The following METTL16 variants were observed in gnomAD, a reference collection of about 807,000 sequenced individuals.
METTL16 encodes the protein methyltransferase 16, RNA N6-adenosine.
In METTL16, 19 loss-of-function variants were observed where a neutral mutation model predicts 57.9. The observed-to-expected ratio is 0.33, with a 90% CI of 0.23 to 0.48. The LOEUF (loss-of-function observed/expected upper bound fraction) is 0.48. Among genes scored for constraint, METTL16 ranks in the 20% least tolerant of loss-of-function variants. METTL16 has a pLI of 0.99. For missense variants in METTL16, 434 were observed against 691.5 expected (o/e 0.63, Z 4.18); for synonymous variants, 246 against 255.6 (o/e 0.96, Z 0.36).
chr17:2,484,509 T>C (rs1267540004), intron 2 of METTL16, among the ~76,000 whole-genome samples: 4 of 152,116 alleles, frequency 2.6e-5, no homozygotes, highest in African/African-American at 9.7e-5. Context: ...TTTTTTTTTT[T>C]TTGAGACGAA....
chr17:2,461,565 T>G (rs900456756), intron 6 of METTL16, among the ~76,000 whole-genome samples: 2 of 151,104 alleles, frequency 1.3e-5, no homozygotes, highest in African/African-American at 2.4e-5. Context: ...TTTCTGAGGA[T>G]GTTCTCCTGT....
At chr17:2,465,560 A>AG (rs1355458367) in intron 5 of METTL16, among the ~76,000 whole-genome samples, 1 of 142,444 alleles carries the variant, frequency 7.0e-6, no homozygotes, top group East Asian at 2.1e-4. Context: ...AAAAAAAAAA[A>AG]AAAAAAAAAA....
rs1268690220 is a variant in METTL16 at position 2,438,109 on chromosome 17, T to C, written c.888A>G (p.Pro296=). The change falls in exon 8 of 10, where the codon CCA becomes CCG. Residue 296 remains proline, a splice_region_variant and synonymous_variant. Transcript: ENST00000263092. ...GAAGCGGAGCAAGGTCTGTACTTACTGGTACTGTGACATCATCATAAAAAC... is the reference window on the plus strand; with the variant it reads ...GAAGCGGAGCAAGGTCTGTACTTACCGGTACTGTGACATCATCATAAAAAC... ...AWSFYDDVTV[P]SPPSKRRKLE... The C allele has an allele frequency of 1.2e-6, 2 of 1,610,340 alleles. No individual in the cohort carries two copies. Among genetic ancestry groups the C allele is most frequent in the African/African-American group, 1.3e-5 (1 of 74,944 alleles).
chr17:2,454,406 C>T (rs189949038), intron 6 of METTL16, among the ~76,000 whole-genome samples: 14 of 152,102 alleles, frequency 9.2e-5, no homozygotes, highest in Admixed American at 8.5e-4. Flanking sequence ...AGATATTCAA[C>T]GGAGCAGCCC....
In METTL16 at chr17:2,477,673, T is replaced by C. The variant is rs1555619824; in HGVS notation, c.328+13A>G. 6.3e-7 allele frequency: 1 copy of C among 1,595,744 alleles called. No individual in the cohort carries two copies. The highest frequency in any genetic ancestry group is 8.6e-7 in the Non-Finnish European group (1 of 1,165,228). ...AAAACTGTTTAGCCAAAAAAGAATTTAAAATGATATACCTATGTCAATTCC... is the reference window on the plus strand; with the variant it reads ...AAAACTGTTTAGCCAAAAAAGAATTCAAAATGATATACCTATGTCAATTCC... On this transcript the variant is annotated intron_variant, in intron 3 of 9. Coordinates refer to ENST00000263092, the MANE Select transcript of METTL16 (RefSeq NM_024086.4).
At position 2,423,264 on chromosome 17, in the gene METTL16, GTGT is replaced by G. The variant is rs1567879512; in HGVS notation, c.889-2363_889-2361del. ...TAGGGAAGGATAAAAAACAAAGGGTGTGTGTGTGTGTGTGTGTGTGTGTGTGTG... is the reference window on the plus strand; with the variant it reads ...TAGGGAAGGATAAAAAACAAAGGGTGGTGTGTGTGTGTGTGTGTGTGTGTG... On this transcript the variant is annotated intron_variant, in intron 8 of 9. Coordinates refer to ENST00000263092, the MANE Select transcript of METTL16 (RefSeq NM_024086.4). 2.6e-3 allele frequency among the ~76,000 whole-genome samples: 143 copies of G among 54,502 alleles called. No individual in the cohort carries two copies. The African/African-American group carries it at 0.046, about 18-fold the overall frequency. The allele number at this position is 54,502 out of a possible 152,430, so 35.8% of individuals were successfully genotyped here.
intron 6 of METTL16, among the ~76,000 whole-genome samples, chr17:2,456,744 C>T (rs535728920): frequency 1.3e-4 from 20 of 152,276 alleles, no homozygotes; most frequent in Admixed American, 1.0e-3. Flanking sequence ...GCTGAGATTA[C>T]AGGCATGAGT....
At chr17:2,454,421 G>A (rs2067093373) in intron 6 of METTL16, among the ~76,000 whole-genome samples, 1 of 151,810 alleles carries the variant, frequency 6.6e-6, no homozygotes, top group Admixed American at 6.6e-5. Flanking sequence ...CAGCCCCAAT[G>A]TCCACCTGAT....
chr17:2,468,604 A>G (rs147409852), intron 4 of METTL16, among the ~76,000 whole-genome samples: 7 of 152,366 alleles, frequency 4.6e-5, no homozygotes, highest in African/African-American at 1.7e-4. Context: ...GCTAGGGCCA[A>G]GTGTGATGGT....
chr17:2,464,967 C>T (rs1449303769), intron 5 of METTL16, among the ~76,000 whole-genome samples: 5 of 152,130 alleles, frequency 3.3e-5, no homozygotes, highest in African/African-American at 1.2e-4. Flanking sequence ...CTGCAAAGGG[C>T]ACCGTCAAGA....
At chr17:2,477,471 C>A (rs1371594649) in intron 3 of METTL16, 4 of 528,700 alleles carry the variant, frequency 7.6e-6, no homozygotes, top group South Asian at 7.4e-5. Flanking sequence ...AAATCTGGAA[C>A]GCTCCAACGC....
intron 2 of METTL16, among the ~76,000 whole-genome samples, chr17:2,484,691 G>A (rs191204726): frequency 6.6e-6 from 1 of 151,904 alleles, no homozygotes; most frequent in Non-Finnish European, 1.5e-5. Flanking sequence ...ACGGGGTTTC[G>A]CCATGTTGGC....
intron 2 of METTL16, among the ~76,000 whole-genome samples, chr17:2,478,584 C>A (rs1232068472): frequency 6.6e-6 from 1 of 152,076 alleles, no homozygotes; most frequent in African/African-American, 2.4e-5. Context: ...TCACCAAAAC[C>A]CACTTTTAGA....
At chr17:2,502,003 G>C (rs984004816) in intron 2 of METTL16, among the ~76,000 whole-genome samples, 3 of 152,042 alleles carry the variant, frequency 2.0e-5, no homozygotes, top group African/African-American at 7.2e-5. Flanking sequence ...TTTTAAGCCA[G>C]AAGGAAACTT....
At chr17:2,481,384 A>C (rs1485896537) in intron 2 of METTL16, among the ~76,000 whole-genome samples, 1 of 152,194 alleles carries the variant, frequency 6.6e-6, no homozygotes, top group Admixed American at 6.5e-5. Flanking sequence ...CGAAGTGACC[A>C]AAGTTAATAC....
rs560430560 is a variant in METTL16, at chr17:2,497,345, C to G, written c.128+4859G>C. On this transcript the variant is annotated intron_variant, in intron 2 of 9. Coordinates refer to ENST00000263092, the MANE Select transcript of METTL16 (RefSeq NM_024086.4). ...TTTTTTTTTTTGAGATAGGATCTCA[C>G]TCTGTCGCCCAGGCTGGAGTGTAGT... 1.8e-4 allele frequency among the ~76,000 whole-genome samples: 23 copies of G among 126,306 alleles called. No homozygotes were observed. The South Asian group carries it at 3.6e-3, about 20-fold the overall frequency. 82.9% of individuals were successfully genotyped at this position (126,306 alleles called of 152,430 possible).
intron 8 of METTL16, among the ~76,000 whole-genome samples, chr17:2,435,173 G>A (rs998379607): frequency 6.6e-6 from 1 of 152,144 alleles, no homozygotes; most frequent in African/African-American, 2.4e-5. Flanking sequence ...GCTGAGTGTG[G>A]GCACTTGAAT....
At chr17:2,422,463 C>T (rs1022851371) in intron 8 of METTL16, among the ~76,000 whole-genome samples, 10 of 152,136 alleles carry the variant, frequency 6.6e-5, no homozygotes, top group South Asian at 6.2e-4. Flanking sequence ...TCACTGCAAC[C>T]TCCACCTCCG....
At chr17:2,448,802 T>TAAAAAAAAA (rs71150866) in intron 6 of METTL16, among the ~76,000 whole-genome samples, 8 of 43,610 alleles carry the variant, frequency 1.8e-4, no homozygotes, top group African/African-American at 3.9e-4. Context: ...AAATAAAATT[T>TAAAAAAAAA]AAAAAAAAAA....
Sources: allele counts gnomAD v4.1 joint callset (sites outside exome capture counted in the v4.1 genomes callset), GRCh38; gene constraint gnomAD v4.1.1; transcripts MANE v1.5; gene names NCBI Gene and HGNC (gene_info 2026-07-23, HGNC 2026-07-21).